Variants in GHRHR observed in about 807,000 individuals in gnomAD.
GHRHR encodes growth hormone-releasing hormone receptor.
Under a neutral mutation model 58.3 loss-of-function variants are expected in GHRHR, and 40 were observed. That is an observed-to-expected ratio of 0.69 (90% CI 0.53 to 0.89). The LOEUF is 0.89. GHRHR is among the 40% of genes least tolerant of loss of function. The pLI, the probability that GHRHR is intolerant of heterozygous loss-of-function variation, is 0.00. For missense variants in GHRHR, 551 were observed against 541.3 expected, an observed-to-expected ratio of 1.02 and a Z score of -0.18; for synonymous variants, 249 against 216.6, an observed-to-expected ratio of 1.15 and a Z score of -1.31.
chr7:30,973,976 G>A lies in GHRHR; in HGVS notation c.598-9G>A, dbSNP rs1792525473. Reference sequence around the variant, plus strand: ...CCCAGCTCTGAAGCACCCAGGTCCTGGCCCCCAGGTTCTATGCAAGGTCTC... The same window carrying A: ...CCCAGCTCTGAAGCACCCAGGTCCTAGCCCCCAGGTTCTATGCAAGGTCTC... On this transcript the variant is annotated splice_polypyrimidine_tract_variant and intron_variant, in intron 6 of 12. Coordinates refer to ENST00000326139, the MANE Select transcript of GHRHR (RefSeq NM_000823.4). The A allele has an allele frequency of 4.3e-6, 7 of 1,612,884 alleles. No homozygotes were observed. Among genetic ancestry groups the A allele is most frequent in the Non-Finnish European group, 5.1e-6 (6 of 1,179,864 alleles).
Position 30,971,236 on chromosome 7 carries a change from A to G in GHRHR, c.464+20A>G. Reference sequence around the variant, plus strand: ...TCTCAGGTTTGTCATCCTCATCACCAGCTCAAGAACCTTCCTTGGCTCCTT... The same window carrying G: ...TCTCAGGTTTGTCATCCTCATCACCGGCTCAAGAACCTTCCTTGGCTCCTT... On this transcript the variant is annotated intron_variant, in intron 5 of 12. Transcript: ENST00000326139. 1.8e-6 allele frequency: 2 copies of G among 1,091,008 alleles called. No individual in the cohort carries two copies. Among genetic ancestry groups the G allele is most frequent in the Non-Finnish European group, 2.8e-6 (2 of 725,692 alleles). 67.6% of individuals were successfully genotyped at this position (1,091,008 alleles called of 1,614,324 possible). A position where few individuals can be genotyped will look rare whatever the true frequency, so the allele number is the denominator to read the frequency against.
At position 30,968,828 on chromosome 7, in the gene GHRHR, C is replaced by A; in HGVS notation, c.58-6C>A. 1 of 1,605,662 alleles carries A rather than the reference C, an allele frequency of 6.2e-7. No individual in the cohort carries two copies. The highest frequency in any genetic ancestry group is 8.5e-7 in the Non-Finnish European group (1 of 1,172,434). ...CTTGGCTCATCCTGTTCACTGTTTCCAGCAGGTATTGGGCCACATGCACCC... is the reference window on the plus strand; with the variant it reads ...CTTGGCTCATCCTGTTCACTGTTTCAAGCAGGTATTGGGCCACATGCACCC... On this transcript the variant is annotated splice_region_variant and splice_polypyrimidine_tract_variant and intron_variant, in intron 1 of 12. Transcript: ENST00000326139.
In GHRHR at chr7:30,976,530, C is replaced by T. The variant is rs200417925; in HGVS notation, c.1076C>T (p.Pro359Leu). ...AATGCTGGCCTGGGCATCCGCCTCC[C>T]CCTGGAGCTGGGACTGGGTTCCTTC... ...PDNAGLGIRL[P>L]LELGLGSFQG... Residue 359 changes from proline (P) to leucine (L), a missense_variant, in exon 11 of 13, where the codon CCC becomes CTC. Pro to Leu is a moderately conservative substitution (Grantham distance 98). Transcript: ENST00000326139. 7.4e-6 allele frequency: 12 copies of T among 1,613,562 alleles called. No homozygotes were observed. In the East Asian group the frequency reaches 2.2e-4, roughly 30 times the overall value.
Position 30,979,183 on chromosome 7 carries a change from C to T in GHRHR, c.1211C>T (p.Thr404Ile). The change falls in exon 13 of 13, where the codon ACC becomes ATC. Residue 404 changes from threonine to isoleucine, a missense_variant. Physicochemically the swap from Thr to Ile is moderately conservative, Grantham distance 89. Transcript: ENST00000326139. ...CCTGAGCTTCTGCCAGCCTGGAGGA[C>T]CCGTGCTAAGTGGACCACGCCTTCC... ...HDPELLPAWRTRAKWTTPSRS... is the reference protein window; with the variant it reads ...HDPELLPAWRIRAKWTTPSRS... 2 of 1,613,598 alleles carry T rather than the reference C, an allele frequency of 1.2e-6. No homozygotes were observed. The highest frequency in any genetic ancestry group is 2.2e-5 in the East Asian group (1 of 44,868).
chr7:30,979,260 C>T lies in GHRHR; in HGVS notation c.*16C>T. On this transcript the variant is annotated 3_prime_UTR_variant, in exon 13 of 13. Coordinates refer to ENST00000326139, the MANE Select transcript of GHRHR (RefSeq NM_000823.4). ...TATGTGCTAGGCTGCCTCATCACGC[C>T]ACTGGAGTCCACACTTGAATTTGGG... is the stretch of plus-strand genomic sequence containing the variant. 6.2e-7 allele frequency: 1 copy of T among 1,612,506 alleles called. No homozygotes were observed. Among genetic ancestry groups the T allele is most frequent in the Non-Finnish European group, 8.5e-7 (1 of 1,179,296 alleles).
intron 3 of GHRHR, chr7:30,969,624 C>G: frequency 1.6e-6 from 1 of 614,752 alleles, no homozygotes; most frequent in Non-Finnish European, 2.9e-6. Context: ...CACTCCTCAC[C>G]CCTCAGGGGA....
At chr7:30,974,858 G>A in intron 8 of GHRHR, 113 bp from the exon 9 acceptor site, 1 of 800,932 alleles carries the variant, frequency 1.2e-6, no homozygotes, top group Non-Finnish European at 2.3e-6. Flanking sequence ...CAGGAGAAAA[G>A]GCTGGAGGGG....
chr7:30,965,556 C>T (rs1792330148), intron 1 of GHRHR, among the ~76,000 whole-genome samples: 2 of 152,232 alleles, frequency 1.3e-5, no homozygotes, highest in South Asian at 4.1e-4. Flanking sequence ...ACATCTGGCC[C>T]TATGCCCACA....
chr7:30,978,709 T>C (rs1458236665), intron 12 of GHRHR, among the ~76,000 whole-genome samples: 1 of 152,170 alleles, frequency 6.6e-6, no homozygotes, highest in East Asian at 1.9e-4. Flanking sequence ...GAGTTCTGAA[T>C]CCTCTCTCCC....
Position 30,971,198 on chromosome 7 carries a change from C to A in GHRHR, c.446C>A (p.Thr149Asn). 1 of 1,483,806 alleles carries A rather than the reference C, an allele frequency of 6.7e-7. No individual in the cohort carries two copies. Among genetic ancestry groups the A allele is most frequent in the Non-Finnish European group, 9.2e-7 (1 of 1,082,254 alleles). 91.9% of individuals were successfully genotyped at this position (1,483,806 alleles called of 1,614,324 possible). The change falls in exon 5 of 13, where the codon ACC (threonine) becomes AAC (asparagine). Residue 149 changes from threonine to asparagine, a missense_variant. Thr to Asn is a moderately conservative substitution (Grantham distance 65, BLOSUM62 0). Transcript: ENST00000326139. ...ATTGTAGCCCTCTTCGTGGCCATCA[C>A]CATCCTGGTTGCTCTCAGGTTTGTC... Reference protein sequence around the residue: ...ISIVALFVAITILVALRRLHC... With the variant: ...ISIVALFVAINILVALRRLHC...
At chr7:30,967,083 T>C (rs753089184) in intron 1 of GHRHR, among the ~76,000 whole-genome samples, 1 of 152,228 alleles carries the variant, frequency 6.6e-6, no homozygotes, top group Non-Finnish European at 1.5e-5. Context: ...TATACAAAAA[T>C]GTGTATGCTG....
At chr7:30,969,802 C>T in intron 3 of GHRHR, 65 bp from the exon 4 acceptor site, 1 of 1,529,042 alleles carries the variant, frequency 6.5e-7, no homozygotes, top group Non-Finnish European at 9.1e-7. Context: ...TGGTCCCTGG[C>T]ACCCCCAGCC....
At chr7:30,978,432 T>A (rs13438065) in intron 12 of GHRHR, among the ~76,000 whole-genome samples, 8,621 of 152,158 alleles carry the variant, frequency 0.057, 318 homozygotes, top group African/African-American at 0.094. Context: ...GCTTACTACA[T>A]CCCAATAGCT....
At chr7:30,976,903 C>T (rs1242359948) in intron 11 of GHRHR, among the ~76,000 whole-genome samples, 1 of 146,146 alleles carries the variant, frequency 6.8e-6, no homozygotes, top group Admixed American at 6.9e-5. Flanking sequence ...CATCCACCCA[C>T]CCACCCATCT....
Position 30,971,948 on chromosome 7 carries a change from T to C in GHRHR, c.465-15T>C. On this transcript the variant is annotated splice_polypyrimidine_tract_variant and intron_variant, in intron 5 of 12. Coordinates refer to ENST00000326139, the MANE Select transcript of GHRHR (RefSeq NM_000823.4). ...CTGCTTGCTTCTTGTTCCTCATTTC[T>C]CCCATTACCCCCAGGAGGCTCCACT... The C allele has an allele frequency of 1.2e-6, 2 of 1,613,458 alleles. No homozygotes were observed.
chr7:30,974,401 C>T (rs768172679), intron 7 of GHRHR, 28 bp from the exon 8 acceptor site: 15 of 1,550,130 alleles, frequency 9.7e-6, no homozygotes, highest in Admixed American at 3.3e-5. Flanking sequence ...CAGACTCCCT[C>T]GCTTGTGTCT....
At position 30,968,815 on chromosome 7, in the gene GHRHR, T is replaced by G; in HGVS notation, c.58-19T>G. The stretch of plus-strand genomic sequence containing the variant: ...GACACCCAAATGGCTTGGCTCATCC[T>G]GTTCACTGTTTCCAGCAGGTATTGG... On this transcript the variant is annotated intron_variant, in intron 1 of 12. Transcript: ENST00000326139. 1.3e-6 allele frequency: 2 copies of G among 1,580,896 alleles called. No individual in the cohort carries two copies. Among genetic ancestry groups the G allele is most frequent in the Non-Finnish European group, 1.7e-6 (2 of 1,149,816 alleles).
intron 1 of GHRHR, 80 bp downstream of exon 1, chr7:30,964,205 G>A (rs1584408502): frequency 5.5e-6 from 7 of 1,265,100 alleles, no homozygotes; most frequent in Non-Finnish European, 7.8e-6. Flanking sequence ...GGAGCCTGGC[G>A]GAGACCCTAC....
intron 3 of GHRHR, chr7:30,969,619 C>T: frequency 1.6e-6 from 1 of 611,948 alleles, no homozygotes; most frequent in East Asian, 2.7e-5. Context: ...CTCACCACTC[C>T]TCACCCCTCA....
Sources: gnomAD v4.1 joint callset for allele counts (sites outside exome capture counted in the v4.1 genomes callset) on GRCh38, gnomAD v4.1.1 for gene constraint, MANE v1.5 for transcripts, NCBI Gene and HGNC (gene_info 2026-07-23, HGNC 2026-07-21) for gene names.